Variants in NCOR2 observed in about 807,000 individuals in gnomAD.
NCOR2 encodes the protein nuclear receptor corepressor 2, also known as CTG repeat protein 26.
NCOR2 carries 81 observed loss-of-function variants against 262.9 expected under a neutral mutation model. The ratio of observed to expected loss-of-function variants is 0.31; its 90% CI spans 0.26 to 0.37. NCOR2 has a LOEUF of 0.37. Ranked by LOEUF, NCOR2 falls within the 10% of genes least tolerant of loss-of-function variation. The pLI, the probability that NCOR2 is intolerant of heterozygous loss-of-function variation, is 1.00. For missense variants in NCOR2, 3,385 were observed against 3,621.4 expected, an observed-to-expected ratio of 0.93 and a Z score of 1.68; for synonymous variants, 1,659 against 1,559.3, an observed-to-expected ratio of 1.06 and a Z score of -1.51.
chr12:124,548,757 T>A lies in NCOR2; in HGVS notation c.-164-13146A>T, dbSNP rs2051617587. Among the ~76,000 whole-genome samples, 1 of 151,902 alleles carries A rather than the reference T, an allele frequency of 6.6e-6. No individual in the cohort carries two copies. Among genetic ancestry groups the A allele is most frequent in the Non-Finnish European group, 1.5e-5 (1 of 67,958 alleles). ...CTCATGGCCTTTGGGACAGTCCTAC[T>A]CCATAAAAGTCACCCTCCCTACACA... is the stretch of plus-strand genomic sequence containing the variant. On this transcript the variant is annotated intron_variant, in intron 1 of 32. Transcript: ENST00000458234. This position sits in a 1 kb window ranked among gnomAD's most constrained non-coding sequence, Gnocchi z 5.1.
exon 28 of NCOR2, chr12:124,350,701 T>G: frequency 6.2e-7 from 1 of 1,613,362 alleles, no homozygotes; most frequent in Non-Finnish European, 8.5e-7. Context: ...ATGATCCTGG[T>G]GATGGTGCCC....
At chr12:124,527,686 G>A (rs1341305129) in intron 1 of NCOR2, among the ~76,000 whole-genome samples, 14 of 152,172 alleles carry the variant, frequency 9.2e-5, no homozygotes, top group Admixed American at 9.2e-4. Context: ...CCAAAGTGCT[G>A]GGATTACATT....
chr12:124,354,788 A>G, intron 25 of NCOR2, 49 bp downstream of exon 27: 1 of 1,557,400 alleles, frequency 6.4e-7, no homozygotes, highest in Non-Finnish European at 8.8e-7. Flanking sequence ...CCCACAGGAC[A>G]GCCAGAGCCC....
At chr12:124,550,519 G>T (rs958723853) in intron 1 of NCOR2, among the ~76,000 whole-genome samples, 1 of 152,142 alleles carries the variant, frequency 6.6e-6, no homozygotes, top group Non-Finnish European at 1.5e-5. Flanking sequence ...GAACGGGGGG[G>T]AGGACAGCTC....
intron 1 of NCOR2, among the ~76,000 whole-genome samples, chr12:124,492,055 G>A (rs1469545957): frequency 1.3e-5 from 2 of 152,212 alleles, no homozygotes; most frequent in African/African-American, 2.4e-5. Flanking sequence ...CCTCCCATTT[G>A]TGCTGGGAAT....
intron 14 of NCOR2, among the ~76,000 whole-genome samples, chr12:124,401,630 T>C (rs2041990863): frequency 6.6e-6 from 1 of 152,242 alleles, no homozygotes; most frequent in Admixed American, 6.5e-5. Flanking sequence ...CAGGCCTAGC[T>C]GTGGTGTGTG....
intron 1 of NCOR2, among the ~76,000 whole-genome samples, chr12:124,519,537 G>A (rs921202603): frequency 6.6e-6 from 1 of 152,200 alleles, no homozygotes; most frequent in Non-Finnish European, 1.5e-5. Context: ...GCAGAGAGAA[G>A]GCTGGTGTGG....
intron 8 of NCOR2, among the ~76,000 whole-genome samples, chr12:124,433,706 G>C (rs1404815499): frequency 6.6e-6 from 1 of 152,164 alleles, no homozygotes; most frequent in Admixed American, 6.5e-5. Context: ...GTCTGCCTCG[G>C]ACAGCGCAGG....
intron 38 of NCOR2, chr12:124,336,466 G>A (rs2035910516): frequency 2.1e-6 from 1 of 485,588 alleles, no homozygotes; most frequent in African/African-American, 2.0e-5. Flanking sequence ...CCAAACCAGA[G>A]GGGCAGGCGC....
intron 6 of NCOR2, among the ~76,000 whole-genome samples, 179 bp downstream of exon 8, chr12:124,456,927 A>AC (rs2045903689): frequency 2.3e-5 from 1 of 43,408 alleles, no homozygotes; most frequent in Admixed American, 3.0e-4. Context: ...AGGCCCGCCC[A>AC]CCCGCTATCT....
At chr12:124,330,006 C>T (rs962478668) in intron 44 of NCOR2, among the ~76,000 whole-genome samples, 10 of 152,254 alleles carry the variant, frequency 6.6e-5, no homozygotes, top group African/African-American at 2.4e-4. Context: ...GGAGGCCTCG[C>T]TGACCCCCTG....
At chr12:124,396,712 G>A (rs556713579) in intron 16 of NCOR2, among the ~76,000 whole-genome samples, 93 of 152,198 alleles carry the variant, frequency 6.1e-4, no homozygotes, top group Non-Finnish European at 1.2e-3. Context: ...GAGCTCTGAG[G>A]GCGAGGGGCA....
chr12:124,387,305 A>C (rs2040884229), intron 16 of NCOR2, among the ~76,000 whole-genome samples: 2 of 151,436 alleles, frequency 1.3e-5, no homozygotes, highest in African/African-American at 4.9e-5. Flanking sequence ...ATAAAACAAC[A>C]GCAGCAGAAA....
chr12:124,510,336 T>G (rs1179036413), intron 1 of NCOR2, among the ~76,000 whole-genome samples: 3 of 152,168 alleles, frequency 2.0e-5, no homozygotes, highest in Non-Finnish European at 4.4e-5. Flanking sequence ...AGCGGGAAGA[T>G]GAGCAAATGC....
intron 1 of NCOR2, among the ~76,000 whole-genome samples, chr12:124,506,418 G>T (rs2049040685): frequency 6.6e-6 from 1 of 152,154 alleles, no homozygotes; most frequent in African/African-American, 2.4e-5. Flanking sequence ...CTGGACGGCA[G>T]CCAGCTCGGC....
chr12:124,341,770 G>T, intron 34 of NCOR2, 53 bp downstream of exon 36: 1 of 1,556,194 alleles, frequency 6.4e-7, no homozygotes, highest in Non-Finnish European at 8.7e-7. Flanking sequence ...GCACGCCCAT[G>T]TCCTTTGGGA....
In NCOR2 at chr12:124,400,689, GGGAGATA is replaced by G; in HGVS notation, c.1641-23_1641-17del. 1 of 1,611,508 alleles carries G rather than the reference GGGAGATA, an allele frequency of 6.2e-7. No individual in the cohort carries two copies. ...TGTCTTCTCCCTACAGGCCAGAGAG[GGGAGATA>G]GGATGGCTTCACCCGAGCCGGGAAA... On this transcript the variant is annotated splice_polypyrimidine_tract_variant and intron_variant, in intron 14 of 46. Coordinates refer to ENST00000405201, the Ensembl canonical transcript of NCOR2.
At chr12:124,448,138 A>G (rs2045297988) in intron 7 of NCOR2, among the ~76,000 whole-genome samples, 1 of 152,194 alleles carries the variant, frequency 6.6e-6, no homozygotes. Flanking sequence ...GGCTCTCAAT[A>G]AAGATGGGAT....
chr12:124,370,356 A>C (rs2039398883), intron 20 of NCOR2, among the ~76,000 whole-genome samples: 1 of 152,158 alleles, frequency 6.6e-6, no homozygotes, highest in Non-Finnish European at 1.5e-5. Context: ...GAACCTATAG[A>C]GATCCGGGTG....
Sources: allele counts gnomAD v4.1 joint callset (sites outside exome capture counted in the v4.1 genomes callset), GRCh38; gene constraint gnomAD v4.1.1; non-coding constraint Gnocchi (gnomAD v3.1); transcripts MANE v1.5; gene names NCBI Gene and HGNC (gene_info 2026-07-23, HGNC 2026-07-21).